Variants in PCLO observed in about 807,000 individuals in gnomAD.
The protein encoded by PCLO is piccolo presynaptic cytomatrix protein.
A neutral mutation model predicts 427.5 loss-of-function variants in PCLO; 82 were observed. The observed-to-expected ratio is 0.19, with a 90% CI of 0.16 to 0.23. The LOEUF (loss-of-function observed/expected upper bound fraction) is 0.23, where lower values mean the gene tolerates loss of function less well. Ranked by LOEUF, PCLO falls within the 10% of genes least tolerant of loss-of-function variation. The pLI is 1.00. For missense variants in PCLO, 6,239 were observed against 6,115.9 expected, an observed-to-expected ratio of 1.02 and a Z score of -0.67; for synonymous variants, 2,357 against 2,155.4, an observed-to-expected ratio of 1.09 and a Z score of -2.59.
intron 3 of PCLO, among the ~76,000 whole-genome samples, chr7:83,093,621 T>C (rs1268437406): frequency 6.8e-6 from 1 of 148,030 alleles, no homozygotes; most frequent in Non-Finnish European, 1.5e-5. Flanking sequence ...GCCTCCCGAG[T>C]AGCTGGGACT....
At chr7:82,822,072 G>T (rs1791806075) in intron 20 of PCLO, 1 of 1,001,108 alleles carries the variant, frequency 1.0e-6, no homozygotes, top group African/African-American at 1.8e-5. Flanking sequence ...TTGCAAATCT[G>T]CTCTAAATAC....
intron 8 of PCLO, among the ~76,000 whole-genome samples, chr7:82,907,996 T>C (rs962407005): frequency 1.3e-5 from 2 of 152,116 alleles, no homozygotes; most frequent in Non-Finnish European, 2.9e-5. Flanking sequence ...GTTTAAAATA[T>C]GGTTGTTTTC....
chr7:82,931,993 T>C (rs757576309), intron 6 of PCLO, among the ~76,000 whole-genome samples: 11 of 152,216 alleles, frequency 7.2e-5, no homozygotes, highest in African/African-American at 2.2e-4. Flanking sequence ...TAAAATGATA[T>C]ACAATGATGG....
At chr7:83,142,715 T>C (rs1791891712) in intron 2 of PCLO, among the ~76,000 whole-genome samples, 1 of 152,092 alleles carries the variant, frequency 6.6e-6, no homozygotes, top group African/African-American at 2.4e-5. Flanking sequence ...TCCCAGCACT[T>C]TGGGAGGCCA....
intron 3 of PCLO, among the ~76,000 whole-genome samples, chr7:83,095,417 G>A (rs994010611): frequency 7.3e-5 from 11 of 151,078 alleles, no homozygotes; most frequent in African/African-American, 2.4e-4. Context: ...ACTTTTTTCT[G>A]TTATCAATTT....
At chr7:82,835,276 C>G (rs17156737) in intron 16 of PCLO, among the ~76,000 whole-genome samples, 10,612 of 151,932 alleles carry the variant, frequency 0.07, 495 homozygotes, top group East Asian at 0.15. Context: ...TCCAGAAGAC[C>G]CATTAATTAC....
At chr7:83,104,545 A>C (rs1405886850) in intron 3 of PCLO, among the ~76,000 whole-genome samples, 2 of 152,090 alleles carry the variant, frequency 1.3e-5, no homozygotes, top group African/African-American at 4.8e-5. Context: ...TACTATGGCT[A>C]AAATAATTGT....
intron 3 of PCLO, among the ~76,000 whole-genome samples, chr7:83,035,222 T>C (rs929741840): frequency 6.6e-6 from 1 of 152,154 alleles, no homozygotes; most frequent in African/African-American, 2.4e-5. Flanking sequence ...TGCACTATTG[T>C]TTATGAAACA....
At chr7:82,906,915 A>C (rs1435814549) in intron 8 of PCLO, among the ~76,000 whole-genome samples, 2 of 152,072 alleles carry the variant, frequency 1.3e-5, no homozygotes, top group Non-Finnish European at 2.9e-5. Context: ...GAGCAGACAT[A>C]GCAAGAAATT....
At chr7:82,769,530 T>C (rs1790604088) in intron 22 of PCLO, among the ~76,000 whole-genome samples, 1 of 152,166 alleles carries the variant, frequency 6.6e-6, no homozygotes, top group African/African-American at 2.4e-5. Flanking sequence ...ACAATTCTAT[T>C]GCAACCTCAG....
At chr7:82,855,901 G>A (rs184234274) in intron 10 of PCLO, among the ~76,000 whole-genome samples, 1 of 152,178 alleles carries the variant, frequency 6.6e-6, no homozygotes, top group East Asian at 1.9e-4. Context: ...TGTTTATATT[G>A]CCTATGGAAG....
intron 3 of PCLO, among the ~76,000 whole-genome samples, chr7:83,131,772 A>C (rs2116604315): frequency 6.6e-6 from 1 of 152,134 alleles, no homozygotes; most frequent in South Asian, 2.1e-4. Flanking sequence ...AAGCAGAATA[A>C]GGAAAACATA....
In PCLO at chr7:82,902,639, G is replaced by A. The variant is rs759144538; in HGVS notation, c.13528+12C>T. On this transcript the variant is annotated intron_variant, in intron 9 of 24. Coordinates refer to ENST00000333891, the MANE Select transcript of PCLO (RefSeq NM_033026.6). ...AAACAAAAAAAATATTAGATTATAT[G>A]ATTTGCTTTACCTGAAACTGTGTGA... The A allele has an allele frequency of 6.8e-7, 1 of 1,470,286 alleles. No individual in the cohort carries two copies. The highest frequency in any genetic ancestry group is 1.8e-5 in the Admixed American group (1 of 56,638). 91.1% of individuals were successfully genotyped at this position (1,470,286 alleles called of 1,614,324 possible).
rs533314262 is a variant in PCLO at position 82,993,413 on chromosome 7, G to A, written c.3301-26926C>T. ...TAATCAGGAGCAGATATGGAATAGA[G>A]TAAGGCTTTGGCATTTTTTTAAAAA... On this transcript the variant is annotated intron_variant, in intron 3 of 24. Transcript: ENST00000333891. Among the ~76,000 whole-genome samples, 8 of 152,050 alleles carry A rather than the reference G, an allele frequency of 5.3e-5. No homozygotes were observed. The East Asian group carries it at 1.6e-3, about 29-fold the overall frequency.
intron 6 of PCLO, among the ~76,000 whole-genome samples, chr7:82,936,055 C>A (rs1373605071): frequency 6.6e-6 from 1 of 151,668 alleles, no homozygotes; most frequent in African/African-American, 2.4e-5. Flanking sequence ...AGAACTTGAA[C>A]AACACTGTAA....
At chr7:82,982,103 G>A (rs1796158985) in intron 3 of PCLO, among the ~76,000 whole-genome samples, 1 of 152,050 alleles carries the variant, frequency 6.6e-6, no homozygotes, top group African/African-American at 2.4e-5. Context: ...ACATCACACT[G>A]TATAATTCAT....
intron 24 of PCLO, among the ~76,000 whole-genome samples, chr7:82,759,805 G>A (rs1790393558): frequency 6.6e-6 from 1 of 151,854 alleles, no homozygotes; most frequent in Non-Finnish European, 1.5e-5. Context: ...GACGTACTAT[G>A]TGCAAAGCAT....
At chr7:83,023,712 T>A (rs1351753976) in intron 3 of PCLO, among the ~76,000 whole-genome samples, 1 of 152,204 alleles carries the variant, frequency 6.6e-6, no homozygotes, top group East Asian at 1.9e-4. Flanking sequence ...TACGGAAAGC[T>A]TACGATTGTT....
At chr7:83,131,515 C>T (rs866683887) in intron 3 of PCLO, among the ~76,000 whole-genome samples, 2 of 152,106 alleles carry the variant, frequency 1.3e-5, no homozygotes, top group Non-Finnish European at 1.5e-5. Flanking sequence ...GCCAGGGTGG[C>T]ACCAGCAGGA....
Sources: gnomAD v4.1 joint callset for allele counts (sites outside exome capture counted in the v4.1 genomes callset) on GRCh38, gnomAD v4.1.1 for gene constraint, MANE v1.5 for transcripts, NCBI Gene and HGNC (gene_info 2026-07-23, HGNC 2026-07-21) for gene names.